Variants in ZFPM2 observed in about 807,000 individuals in gnomAD.
ZFPM2 encodes the protein zinc finger protein ZFPM2.
Under a neutral mutation model 98.6 loss-of-function variants are expected in ZFPM2, and 20 were observed. That is an observed-to-expected ratio of 0.20 (90% CI 0.14 to 0.29). The LOEUF (loss-of-function observed/expected upper bound fraction) is 0.29. Ranked by LOEUF, ZFPM2 falls within the 10% of genes least tolerant of loss-of-function variation. The pLI is 1.00. For missense variants in ZFPM2, 1,310 were observed against 1,388.6 expected (o/e 0.94, Z 0.90); for synonymous variants, 518 against 502.7 (o/e 1.03, Z -0.41).
intron 1 of ZFPM2, among the ~76,000 whole-genome samples, chr8:105,349,167 T>G (rs1224593568): frequency 6.6e-6 from 1 of 151,930 alleles, no homozygotes; most frequent in East Asian, 1.9e-4. Context: ...GGTTCTGGAT[T>G]TTTTTAAGGC....
intron 3 of ZFPM2, among the ~76,000 whole-genome samples, chr8:105,543,590 G>A (rs1814627149): frequency 1.3e-5 from 2 of 152,228 alleles, no homozygotes; most frequent in South Asian, 4.1e-4. Context: ...AATTGGAAGA[G>A]TATTAAAAAG....
intron 5 of ZFPM2, among the ~76,000 whole-genome samples, chr8:105,768,621 T>C (rs1235999603): frequency 6.6e-6 from 1 of 152,052 alleles, no homozygotes; most frequent in Non-Finnish European, 1.5e-5. Flanking sequence ...CTGAGAACTT[T>C]GGAGTGGGCA....
rs370717147 is a variant in ZFPM2 at position 105,798,720 on chromosome 8, G to T, written c.740-4G>T. ...AAATGTGTCTCTTGTGTTTTTACCT[G>T]CAGAGGATATATTCCCTTGCAAGTC... is the stretch of plus-strand genomic sequence containing the variant. On this transcript the variant is annotated splice_polypyrimidine_tract_variant and splice_region_variant and intron_variant, in intron 6 of 7. Coordinates refer to ENST00000407775, the MANE Select transcript of ZFPM2 (RefSeq NM_012082.4). 1.9e-6 allele frequency: 3 copies of T among 1,610,966 alleles called. No individual in the cohort carries two copies. Among genetic ancestry groups the T allele is most frequent in the Middle Eastern group, 1.7e-4 (1 of 5,856 alleles).
chr8:105,360,330 C>T (rs2129756462), intron 1 of ZFPM2, among the ~76,000 whole-genome samples: 1 of 151,990 alleles, frequency 6.6e-6, no homozygotes, highest in South Asian at 2.1e-4. Flanking sequence ...TTTAAAAACT[C>T]ATTTTTATTT....
At chr8:105,407,005 G>A (rs999055609) in intron 1 of ZFPM2, among the ~76,000 whole-genome samples, 29 of 151,868 alleles carry the variant, frequency 1.9e-4, no homozygotes, top group Non-Finnish European at 3.8e-4. Context: ...GGTATGATGT[G>A]CTGCTAGGCA....
chr8:105,692,862 G>A (rs1056201333), intron 5 of ZFPM2, among the ~76,000 whole-genome samples: 2 of 152,176 alleles, frequency 1.3e-5, no homozygotes, highest in African/African-American at 4.8e-5. Flanking sequence ...TTGAATACTA[G>A]GTTAAAGATT....
intron 5 of ZFPM2, among the ~76,000 whole-genome samples, chr8:105,712,562 A>G (rs2130980166): frequency 6.6e-6 from 1 of 152,032 alleles, no homozygotes; most frequent in African/African-American, 2.4e-5. Flanking sequence ...GTGTTGTTTA[A>G]TTGTAGTTTT....
chr8:105,373,412 A>G lies in ZFPM2; in HGVS notation c.41-45732A>G, dbSNP rs781487836. On this transcript the variant is annotated intron_variant, in intron 1 of 7. Coordinates refer to ENST00000407775, the MANE Select transcript of ZFPM2 (RefSeq NM_012082.4). Reference sequence around the variant, plus strand: ...TTTTCTTTCTCTCTATTAAACTTCCATTTAAGGAGTAAGATCGTTTTTTTC... The same window carrying G: ...TTTTCTTTCTCTCTATTAAACTTCCGTTTAAGGAGTAAGATCGTTTTTTTC... Among the ~76,000 whole-genome samples, 6 of 152,092 alleles carry G rather than the reference A, an allele frequency of 3.9e-5. No homozygotes were observed. The South Asian group carries it at 6.2e-4, about 16-fold the overall frequency.
At chr8:105,354,283 T>A (rs1350685658) in intron 1 of ZFPM2, among the ~76,000 whole-genome samples, 2 of 152,242 alleles carry the variant, frequency 1.3e-5, no homozygotes, top group African/African-American at 4.8e-5. Context: ...TGAATGTCAC[T>A]TGACAATTTG....
intron 1 of ZFPM2, among the ~76,000 whole-genome samples, chr8:105,413,483 TA>T (rs1811618442): frequency 1.5e-4 from 7 of 47,120 alleles, no homozygotes; most frequent in East Asian, 4.9e-4. Context: ...ATTCAAACAT[TA>T]TATATATATA....
intron 4 of ZFPM2, among the ~76,000 whole-genome samples, chr8:105,620,609 G>A (rs1406859937): frequency 6.6e-6 from 1 of 152,132 alleles, no homozygotes; most frequent in Non-Finnish European, 1.5e-5. Flanking sequence ...CCTTGCCCAT[G>A]TCTATGTCCT....
chr8:105,558,086 G>A (rs1365569150), intron 3 of ZFPM2, among the ~76,000 whole-genome samples: 1 of 151,964 alleles, frequency 6.6e-6, no homozygotes, highest in Non-Finnish European at 1.5e-5. Context: ...TACTTTTAGT[G>A]CAGTAATCTT....
At chr8:105,793,351 G>A (rs545458631) in intron 6 of ZFPM2, among the ~76,000 whole-genome samples, 2 of 152,170 alleles carry the variant, frequency 1.3e-5, no homozygotes, top group Non-Finnish European at 2.9e-5. Context: ...ATGAAGCTTA[G>A]TTTGGCTGGA....
chr8:105,549,518 TCTTC>T (rs766530405), intron 3 of ZFPM2, among the ~76,000 whole-genome samples: 1,600 of 48,472 alleles, frequency 0.033, 21 homozygotes, highest in South Asian at 0.11. Context: ...CTCCCTCCCA[TCTTC>T]CTTCCTTCCT....
At chr8:105,556,165 G>C (rs1001830830) in intron 3 of ZFPM2, among the ~76,000 whole-genome samples, 3 of 152,110 alleles carry the variant, frequency 2.0e-5, no homozygotes, top group Non-Finnish European at 4.4e-5. Context: ...AGAATGAATT[G>C]AGGCTGGTGG....
intron 3 of ZFPM2, among the ~76,000 whole-genome samples, chr8:105,547,151 A>G (rs1419423771): frequency 6.6e-6 from 1 of 152,140 alleles, no homozygotes; most frequent in African/African-American, 2.4e-5. Context: ...ATTGTGCATA[A>G]TGATTTCCAT....
intron 4 of ZFPM2, among the ~76,000 whole-genome samples, chr8:105,586,712 T>C (rs1367485388): frequency 6.6e-6 from 1 of 151,778 alleles, no homozygotes; most frequent in Non-Finnish European, 1.5e-5. Flanking sequence ...TGAGCCACCA[T>C]GCCTGATGTT....
intron 5 of ZFPM2, among the ~76,000 whole-genome samples, chr8:105,657,679 T>C (rs1208959189): frequency 1.3e-5 from 2 of 152,178 alleles, no homozygotes; most frequent in Admixed American, 1.3e-4. Flanking sequence ...CAGTATCTCC[T>C]TGTAGCTACT....
At chr8:105,437,156 C>G (rs1812137227) in intron 2 of ZFPM2, among the ~76,000 whole-genome samples, 1 of 151,978 alleles carries the variant, frequency 6.6e-6, no homozygotes, top group Admixed American at 6.6e-5. Context: ...ATTGCATACC[C>G]CTTACCTAGT....
Sources: allele counts gnomAD v4.1 joint callset (sites outside exome capture counted in the v4.1 genomes callset), GRCh38; gene constraint gnomAD v4.1.1; transcripts MANE v1.5; gene names NCBI Gene and HGNC (gene_info 2026-07-23, HGNC 2026-07-21).